The following ATP2B4 variants were observed in gnomAD, a reference collection of about 807,000 sequenced individuals.
The protein encoded by ATP2B4 is ATPase plasma membrane Ca2+ transporting 4.
Under a neutral mutation model 110.3 loss-of-function variants are expected in ATP2B4, and 39 were observed. That is an observed-to-expected ratio of 0.35 (90% confidence interval 0.27 to 0.46). The LOEUF is 0.46. Ranked by LOEUF, ATP2B4 falls within the 20% of genes least tolerant of loss-of-function variation. The pLI, the probability that ATP2B4 is intolerant of heterozygous loss-of-function variation, is 1.00. For missense variants in ATP2B4, 1,135 were observed against 1,530.9 expected (o/e 0.74, Z 4.32); for synonymous variants, 538 against 571.7 (o/e 0.94, Z 0.84).
At chr1:203,693,306 C>G (rs1174790506) in intron 2 of ATP2B4, among the ~76,000 whole-genome samples, 1 of 152,152 alleles carries the variant, frequency 6.6e-6, no homozygotes, top group Non-Finnish European at 1.5e-5. Context: ...CATGGCTTTC[C>G]CATGCCTCAC....
intron 20 of ATP2B4, among the ~76,000 whole-genome samples, chr1:203,732,209 GCCTCTGTCTCT>G (rs1448490457): frequency 6.6e-6 from 1 of 150,880 alleles, no homozygotes; most frequent in Non-Finnish European, 1.5e-5. Flanking sequence ...GGCATTAATT[GCCTCTGTCTCT>G]GAGGAACAGG....
At position 203,648,835 on chromosome 1, in the gene ATP2B4, G is replaced by C. The variant is rs1167375855; in HGVS notation, c.-465+21616G>C. On this transcript the variant is annotated intron_variant, in intron 1 of 20. Coordinates refer to ENST00000357681, the MANE Select transcript of ATP2B4 (RefSeq NM_001684.5). ...GCTTTGGGTTTCCATTATGAATATAGAGAGTTTTTCATCATTACATTGGTT... is the reference window on the plus strand; with the variant it reads ...GCTTTGGGTTTCCATTATGAATATACAGAGTTTTTCATCATTACATTGGTT... 2.6e-5 allele frequency among the ~76,000 whole-genome samples: 4 copies of C among 152,182 alleles called. No homozygotes were observed. The East Asian group carries it at 7.7e-4, about 29-fold the overall frequency.
intron 8 of ATP2B4, among the ~76,000 whole-genome samples, chr1:203,705,605 T>G (rs1199491191): frequency 6.6e-6 from 1 of 152,206 alleles, no homozygotes; most frequent in Non-Finnish European, 1.5e-5. Flanking sequence ...CTCAAACTCC[T>G]ATCCTCAAGT....
intron 2 of ATP2B4, among the ~76,000 whole-genome samples, chr1:203,685,659 T>G (rs1033518967): frequency 6.6e-6 from 1 of 152,228 alleles, no homozygotes; most frequent in East Asian, 1.9e-4. Flanking sequence ...TAGAATTTGG[T>G]TTCCTATCTC....
chr1:203,729,676 A>G (rs1404152835), intron 20 of ATP2B4: 19 of 1,278,512 alleles, frequency 1.5e-5, no homozygotes, highest in Non-Finnish European at 2.0e-5. Flanking sequence ...TCACCTATCC[A>G]GGGCGATGCA....
intron 20 of ATP2B4, 42 bp from the exon 21 acceptor site, chr1:203,739,504 C>A (rs565028999): frequency 6.4e-7 from 1 of 1,573,300 alleles, no homozygotes; most frequent in African/African-American, 1.4e-5. Context: ...CCAATTCTCA[C>A]CTCTCTATTT....
At chr1:203,735,103 T>C in intron 20 of ATP2B4, among the ~76,000 whole-genome samples, 1 of 152,182 alleles carries the variant, frequency 6.6e-6, no homozygotes, top group East Asian at 1.9e-4. Context: ...TTTTCTTCAT[T>C]TACTAAACTT....
Position 203,721,365 on chromosome 1 carries a change from C to A in ATP2B4, c.2767C>A (p.His923Asn), listed in dbSNP as rs1666316970. The A allele has an allele frequency of 1.2e-6, 2 of 1,614,124 alleles. No homozygotes were observed. The highest frequency in any genetic ancestry group is 1.7e-6 in the Non-Finnish European group (2 of 1,180,028). The part of the protein sequence containing the change: ...SRTMMKNILG[H>N]AFYQLIVIFI... Reference sequence around the variant, plus strand: ...CACTATGATGAAGAACATCTTGGGCCATGCATTCTATCAGCTCATTGTCAT... The same window carrying A: ...CACTATGATGAAGAACATCTTGGGCAATGCATTCTATCAGCTCATTGTCAT... The change falls in exon 17 of 21, where the codon CAT becomes AAT. Residue 923 changes from histidine to asparagine, a missense_variant. By Grantham distance (68) the His-to-Asn change is moderately conservative. Transcript: ENST00000357681.
At chr1:203,734,405 G>A (rs550883515) in intron 20 of ATP2B4, among the ~76,000 whole-genome samples, 4 of 152,208 alleles carry the variant, frequency 2.6e-5, no homozygotes, top group East Asian at 1.9e-4. Flanking sequence ...CTGGGACTCC[G>A]GTTTAAAAAT....
At chr1:203,704,951 C>T (rs527326505) in intron 8 of ATP2B4, among the ~76,000 whole-genome samples, 1 of 152,262 alleles carries the variant, frequency 6.6e-6, no homozygotes, top group South Asian at 2.1e-4. Flanking sequence ...TTCTGCATTC[C>T]TAATAAGCCC....
rs1665215712 is a variant in ATP2B4 at position 203,687,051 on chromosome 1, C to G, written c.193+3653C>G. On this transcript the variant is annotated intron_variant, in intron 2 of 20. Transcript: ENST00000357681. ...ATGGGGTCTTGCTCTGTTGCCCAGACTGGTCTCAAACTCCTGGACTCAAGC... is the reference window on the plus strand; with the variant it reads ...ATGGGGTCTTGCTCTGTTGCCCAGAGTGGTCTCAAACTCCTGGACTCAAGC... Among the ~76,000 whole-genome samples the G allele has an allele frequency of 5.1e-5, 7 of 136,382 alleles. No individual in the cohort carries two copies. In the South Asian group the frequency reaches 1.7e-3, roughly 33 times the overall value. The allele number at this position is 136,382 out of a possible 152,430, so 89.5% of individuals were successfully genotyped here.
intron 3 of ATP2B4, among the ~76,000 whole-genome samples, chr1:203,699,102 C>A (rs1003297802): frequency 1.1e-4 from 17 of 152,168 alleles, no homozygotes; most frequent in Non-Finnish European, 2.9e-5. Flanking sequence ...ATCCAACCAA[C>A]AAAACCCTAC....
At chr1:203,648,293 T>TA (rs1291717941) in intron 1 of ATP2B4, among the ~76,000 whole-genome samples, 30 of 150,548 alleles carry the variant, frequency 2.0e-4, no homozygotes, top group Middle Eastern at 6.8e-3. Flanking sequence ...GTGTTTTTTT[T>TA]AAAAAAAAAA....
intron 10 of ATP2B4, among the ~76,000 whole-genome samples, chr1:203,708,423 T>C (rs1665911784): frequency 6.6e-6 from 1 of 152,158 alleles, no homozygotes; most frequent in African/African-American, 2.4e-5. Flanking sequence ...TTACTCACTT[T>C]CTAGAAACAA....
At position 203,723,874 on chromosome 1, in the gene ATP2B4, G is replaced by C. The variant is rs776654196; in HGVS notation, c.3025-7G>C. The stretch of plus-strand genomic sequence containing the variant: ...TTGATGGTGGGCTGCCCCTTTCTCT[G>C]TTCTAGATTTTCATCGTGGAATTTG... On this transcript the variant is annotated splice_region_variant and splice_polypyrimidine_tract_variant and intron_variant, in intron 18 of 20. Transcript: ENST00000357681. 2 of 1,600,166 alleles carry C rather than the reference G, an allele frequency of 1.2e-6. No homozygotes were observed. Among genetic ancestry groups the C allele is most frequent in the Non-Finnish European group, 1.7e-6 (2 of 1,173,740 alleles).
chr1:203,679,466 T>C (rs1664931084), intron 1 of ATP2B4, among the ~76,000 whole-genome samples: 1 of 152,258 alleles, frequency 6.6e-6, no homozygotes, highest in Non-Finnish European at 1.5e-5. Flanking sequence ...AACAAATCTT[T>C]TCATTCTTTT....
intron 1 of ATP2B4, among the ~76,000 whole-genome samples, chr1:203,653,293 C>G (rs1156584152): frequency 6.6e-6 from 1 of 152,196 alleles, no homozygotes; most frequent in African/African-American, 2.4e-5. Context: ...AAGTTAGAAG[C>G]TAGCAGAGCT....
chr1:203,724,386 A>G (rs12086519), intron 19 of ATP2B4, among the ~76,000 whole-genome samples: 30,464 of 151,874 alleles, frequency 0.2, 3,214 homozygotes, highest in South Asian at 0.3. Context: ...GCATGGTGGC[A>G]GGTGCCTGTA....
intron 1 of ATP2B4, among the ~76,000 whole-genome samples, chr1:203,659,537 GCACACCCCT>G (rs1400642796): frequency 6.6e-6 from 1 of 151,870 alleles, no homozygotes; most frequent in African/African-American, 2.4e-5. Context: ...AGGCATGGTG[GCACACCCCT>G]GTAGTCCACA....
Sources: gnomAD v4.1 joint callset for allele counts (sites outside exome capture counted in the v4.1 genomes callset) on GRCh38, gnomAD v4.1.1 for gene constraint, MANE v1.5 for transcripts, NCBI Gene and HGNC (gene_info 2026-07-23, HGNC 2026-07-21) for gene names.